The following GAD2 variants were observed in gnomAD, a reference collection of about 807,000 sequenced individuals.
GAD2 encodes glutamate decarboxylase 2, also known as 65 kDa glutamic acid decarboxylase.
A neutral mutation model predicts 80.1 loss-of-function variants in GAD2; 22 were observed. The ratio of observed to expected loss-of-function variants is 0.27; its 90% CI spans 0.20 to 0.39. The LOEUF is 0.39. Among genes scored for constraint, GAD2 ranks in the 10% least tolerant of loss-of-function variants. The pLI is 1.00. For missense variants in GAD2, 624 were observed against 738.4 expected (o/e 0.85, Z 1.80); for synonymous variants, 274 against 256.9 (o/e 1.07, Z -0.64).
intron 7 of GAD2, among the ~76,000 whole-genome samples, chr10:26,233,453 A>G (rs962154625): frequency 1.3e-5 from 2 of 152,290 alleles, no homozygotes; most frequent in African/African-American, 4.8e-5. Context: ...GCCGTCCTGC[A>G]TCTTCTTGAA....
intron 7 of GAD2, among the ~76,000 whole-genome samples, chr10:26,231,908 T>A (rs1483956592): frequency 6.6e-6 from 1 of 152,180 alleles, no homozygotes; most frequent in African/African-American, 2.4e-5. Context: ...CTCTCCTGCC[T>A]CTCTCTTTTG....
At chr10:26,242,783 C>T (rs1844759265) in intron 7 of GAD2, among the ~76,000 whole-genome samples, 1 of 152,142 alleles carries the variant, frequency 6.6e-6, no homozygotes, top group Non-Finnish European at 1.5e-5. Context: ...TTTAAGAACC[C>T]CTATTCTTTC....
intron 11 of GAD2, among the ~76,000 whole-genome samples, chr10:26,277,352 G>A (rs1461838050): frequency 2.0e-5 from 3 of 152,192 alleles, no homozygotes; most frequent in Non-Finnish European, 4.4e-5. Flanking sequence ...CAGAATCTGC[G>A]GGGGTTCTTT....
chr10:26,263,137 T>C (rs115581602), intron 8 of GAD2, among the ~76,000 whole-genome samples: 2,734 of 152,274 alleles, frequency 0.018, 71 homozygotes, highest in African/African-American at 0.061. Context: ...ATGGGAAGAA[T>C]AAATATTACT....
At position 26,286,643 on chromosome 10, in the gene GAD2, T is replaced by C. The variant is rs910617262; in HGVS notation, c.1386+149T>C. The C allele has an allele frequency of 1.3e-5, 9 of 703,044 alleles. 2 individuals are homozygous for C. In the South Asian group the frequency reaches 1.8e-4, roughly 14 times the overall value. 43.6% of individuals were successfully genotyped at this position (703,044 alleles called of 1,614,324 possible). ...TAAACTTGCGTCTAAATACCTTCAT[T>C]TGACATGAGGAAAAATATAGTCAAA... On this transcript the variant is annotated intron_variant, in intron 13 of 15. Coordinates refer to ENST00000376261, the MANE Select transcript of GAD2 (RefSeq NM_001134366.2).
Position 26,281,094 on chromosome 10 carries a change from CT to C in GAD2, c.1236+8del. 6.3e-7 allele frequency: 1 copy of C among 1,598,018 alleles called. No homozygotes were observed. The highest frequency in any genetic ancestry group is 8.6e-7 in the Non-Finnish European group (1 of 1,165,610). ...TCTCCTGGTTAGAGAAGAGGTATGT[CT>C]CTCTTGACTCTGTGTCCCAGTCCGT... On this transcript the variant is annotated splice_region_variant and intron_variant, in intron 12 of 15. Coordinates refer to ENST00000376261, the MANE Select transcript of GAD2 (RefSeq NM_001134366.2).
At chr10:26,280,001 C>A (rs1845254147) in intron 11 of GAD2, among the ~76,000 whole-genome samples, 3 of 152,200 alleles carry the variant, frequency 2.0e-5, no homozygotes, top group African/African-American at 7.2e-5. Context: ...CAGGACACTG[C>A]AATAGCAAGA....
At chr10:26,263,504 C>T (rs917100683) in intron 8 of GAD2, among the ~76,000 whole-genome samples, 5 of 152,166 alleles carry the variant, frequency 3.3e-5, no homozygotes, top group Admixed American at 2.0e-4. Flanking sequence ...CTCTTTTCCC[C>T]AGGAGAAATC....
At chr10:26,269,214 T>C in intron 9 of GAD2, 41 bp downstream of exon 9, 2 of 1,515,828 alleles carry the variant, frequency 1.3e-6, no homozygotes, top group African/African-American at 2.8e-5. Flanking sequence ...CATATTTCTA[T>C]TTCCATCCAC....
chr10:26,282,905 C>G (rs1350667699), intron 12 of GAD2, among the ~76,000 whole-genome samples: 2 of 152,204 alleles, frequency 1.3e-5, no homozygotes, highest in Non-Finnish European at 2.9e-5. Context: ...TCCTTTTGGA[C>G]TGGTTTTTCA....
chr10:26,282,080 A>C (rs8190757), intron 12 of GAD2, among the ~76,000 whole-genome samples: 64,867 of 151,778 alleles, frequency 0.43, 17,842 homozygotes, highest in African/African-American at 0.79. Flanking sequence ...GTAGCTGGGA[A>C]TACAGGCACC....
At chr10:26,245,608 T>A (rs900049616) in intron 7 of GAD2, among the ~76,000 whole-genome samples, 1 of 152,036 alleles carries the variant, frequency 6.6e-6, no homozygotes, top group Non-Finnish European at 1.5e-5. Flanking sequence ...CGGCTAATTT[T>A]TTTTTTTGTA....
chr10:26,283,764 G>A (rs1174821348), intron 12 of GAD2, among the ~76,000 whole-genome samples: 1 of 152,152 alleles, frequency 6.6e-6, no homozygotes, highest in African/African-American at 2.4e-5. Flanking sequence ...GAAAAGAAAA[G>A]GGCTGAAGGG....
intron 7 of GAD2, among the ~76,000 whole-genome samples, chr10:26,234,909 G>A (rs1410640662): frequency 1.3e-5 from 2 of 151,834 alleles, no homozygotes; most frequent in African/African-American, 4.8e-5. Context: ...ATCTCTCTCT[G>A]TTACCCAGGC....
intron 8 of GAD2, among the ~76,000 whole-genome samples, chr10:26,267,749 G>T (rs1845088358): frequency 6.7e-6 from 1 of 149,110 alleles, no homozygotes; most frequent in African/African-American, 2.5e-5. Flanking sequence ...CAATTATTTT[G>T]TCACGCCTCC....
chr10:26,242,171 A>G (rs1844751401), intron 7 of GAD2, among the ~76,000 whole-genome samples: 1 of 152,092 alleles, frequency 6.6e-6, no homozygotes, highest in South Asian at 2.1e-4. Flanking sequence ...TATTTTTAGT[A>G]GAGACAGAGT....
At chr10:26,230,341 GA>G (rs1424067531) in intron 7 of GAD2, among the ~76,000 whole-genome samples, 1 of 152,204 alleles carries the variant, frequency 6.6e-6, no homozygotes, top group Non-Finnish European at 1.5e-5. Context: ...CAAAACTCCA[GA>G]GGAGCCTTTG....
At chr10:26,242,207 C>T (rs906945462) in intron 7 of GAD2, among the ~76,000 whole-genome samples, 16 of 152,234 alleles carry the variant, frequency 1.1e-4, no homozygotes, top group African/African-American at 3.1e-4. Flanking sequence ...AGGATGGTCT[C>T]GATCTCCTGA....
At chr10:26,259,256 T>C (rs1844980182) in intron 8 of GAD2, among the ~76,000 whole-genome samples, 1 of 152,234 alleles carries the variant, frequency 6.6e-6, no homozygotes, top group Admixed American at 6.5e-5. Flanking sequence ...AATTCTATCT[T>C]TAATTTTTTG....
Sources: gnomAD v4.1 joint callset for allele counts (sites outside exome capture counted in the v4.1 genomes callset) on GRCh38, gnomAD v4.1.1 for gene constraint, MANE v1.5 for transcripts, NCBI Gene and HGNC (gene_info 2026-07-23, HGNC 2026-07-21) for gene names.